The following GNA13 variants were observed in gnomAD, a reference collection of about 807,000 sequenced individuals.
The protein encoded by GNA13 is G protein subunit alpha 13.
GNA13 carries 4 observed loss-of-function variants against 33.5 expected under a neutral mutation model. That is an observed-to-expected ratio of 0.12 (90% CI 0.06 to 0.27). GNA13 has a LOEUF of 0.27. Among genes scored for constraint, GNA13 ranks in the 10% least tolerant of loss-of-function variants. The pLI, the probability that GNA13 is intolerant of heterozygous loss-of-function variation, is 1.00. For synonymous variants in GNA13, 176 were observed against 183.8 expected, an observed-to-expected ratio of 0.96 and a Z score of 0.34; for missense variants, 319 against 487.2, an observed-to-expected ratio of 0.65 and a Z score of 3.25.
intron 2 of GNA13, among the ~76,000 whole-genome samples, chr17:65,030,481 C>T (rs1408900548): frequency 2.0e-5 from 3 of 152,164 alleles, no homozygotes; most frequent in Non-Finnish European, 4.4e-5. Context: ...ATATGCATCA[C>T]ACATGTAATT....
At chr17:65,053,890 T>TAA (rs57652857) in intron 1 of GNA13, among the ~76,000 whole-genome samples, 162 bp from the exon 2 acceptor site, 1 of 151,860 alleles carries the variant, frequency 6.6e-6, no homozygotes, top group African/African-American at 2.4e-5. Flanking sequence ...TCTCAGAGGT[T>TAA]AAAAAAAATA....
rs534389748 is a variant in GNA13, at chr17:65,041,110, T to C, written c.510+12392A>G. On this transcript the variant is annotated intron_variant, in intron 2 of 3. Transcript: ENST00000439174. ...TTCATCCTATTTAGCAGAAAAATAATTTTTTAAAAAGAGACTAAGAAAACA... is the reference window on the plus strand; with the variant it reads ...TTCATCCTATTTAGCAGAAAAATAACTTTTTAAAAAGAGACTAAGAAAACA... Among the ~76,000 whole-genome samples the C allele has an allele frequency of 1.7e-3, 259 of 152,330 alleles. 2 individuals are homozygous for C. Among genetic ancestry groups the C allele is most frequent in the Middle Eastern group, 6.8e-3 (2 of 294 alleles).
chr17:65,025,438 C>T (rs1454718133), intron 2 of GNA13, among the ~76,000 whole-genome samples: 1 of 152,160 alleles, frequency 6.6e-6, no homozygotes, highest in Non-Finnish European at 1.5e-5. Flanking sequence ...TCACCATAGT[C>T]CACAGCTTTC....
chr17:65,030,374 G>C (rs952476379), intron 2 of GNA13, among the ~76,000 whole-genome samples: 20 of 152,342 alleles, frequency 1.3e-4, no homozygotes, highest in African/African-American at 4.8e-4. Context: ...TGCAGAATTT[G>C]AAAGGTTTGT....
intron 1 of GNA13, 72 bp downstream of exon 1, chr17:65,056,239 G>GCCCGGGCCCCCCCCCCCCCCCCCCCC: frequency 3.2e-6 from 3 of 936,164 alleles, no homozygotes; most frequent in East Asian, 3.2e-5. Flanking sequence ...CCAGGGCGGT[G>GCCCGGGCCCCCCCCCCCCCCCCCCCC]CCCCGCCCCG....
In GNA13 at chr17:65,009,975, ACT is replaced by A. The variant is rs1491268590; in HGVS notation, c.*4280_*4281del. ...ATTCACTGACTGAAATTTTATGCAC[ACT>A]GAGTTCCAGCATACTCTGATCCACC... On this transcript the variant is annotated 3_prime_UTR_variant, in exon 4 of 4. Coordinates refer to ENST00000439174, the MANE Select transcript of GNA13 (RefSeq NM_006572.6). Among the ~76,000 whole-genome samples the A allele has an allele frequency of 2.7e-4, 41 of 152,350 alleles. No homozygotes were observed. Among genetic ancestry groups the A allele is most frequent in the African/African-American group, 8.9e-4 (37 of 41,580 alleles).
At chr17:65,053,890 T>TA (rs57652857) in intron 1 of GNA13, among the ~76,000 whole-genome samples, 162 bp from the exon 2 acceptor site, 4,401 of 151,958 alleles carry the variant, frequency 0.029, 228 homozygotes, top group African/African-American at 0.1. Context: ...TCTCAGAGGT[T>TA]AAAAAAAATA....
intron 2 of GNA13, chr17:65,051,823 A>C (rs1907869039): frequency 6.6e-6 from 1 of 152,250 alleles, no homozygotes; most frequent in South Asian, 2.1e-4. Flanking sequence ...AATTTTAACA[A>C]TAATGTGAGA....
chr17:65,045,055 A>AAAAAG (rs1319746037), intron 2 of GNA13, among the ~76,000 whole-genome samples: 3 of 151,742 alleles, frequency 2.0e-5, no homozygotes, highest in Non-Finnish European at 4.4e-5. Context: ...AAAAAAAAAA[A>AAAAAG]AAAAGAAAAG....
intron 2 of GNA13, among the ~76,000 whole-genome samples, chr17:65,039,893 C>G (rs1907392987): frequency 6.6e-6 from 1 of 152,212 alleles, no homozygotes; most frequent in Non-Finnish European, 1.5e-5. Flanking sequence ...TACCAGTGAA[C>G]TGTTACCAGA....
chr17:65,011,918 C>T lies in GNA13; in HGVS notation c.*2339G>A, dbSNP rs964709008. ...CCTTTCAAACGTTTTTAAAATACAA[C>T]GTATAAAAAAATGTGGACTGAAGCC... On this transcript the variant is annotated 3_prime_UTR_variant, in exon 4 of 4. Transcript: ENST00000439174. The T allele has an allele frequency of 2.7e-5, 6 of 223,866 alleles. No individual in the cohort carries two copies. The highest frequency in any genetic ancestry group is 4.4e-5 in the Non-Finnish European group (5 of 112,458). The allele number at this position is 223,866 out of a possible 1,614,324, so 13.9% of individuals were successfully genotyped here. A position where few individuals can be genotyped will look rare whatever the true frequency, so the allele number is the denominator to read the frequency against.
chr17:65,047,495 A>T lies in GNA13; in HGVS notation c.510+6007T>A, dbSNP rs369291488. Among the ~76,000 whole-genome samples, 9 of 152,348 alleles carry T rather than the reference A, an allele frequency of 5.9e-5. No individual in the cohort carries two copies. The East Asian group carries it at 1.3e-3, about 23-fold the overall frequency. On this transcript the variant is annotated intron_variant, in intron 2 of 3. Coordinates refer to ENST00000439174, the MANE Select transcript of GNA13 (RefSeq NM_006572.6). ...ATTTAACACTAATCCTAGAATCAAA[A>T]GATAACCAATAGGTTTTTAGCAACT...
chr17:65,038,402 C>CA (rs78958162), intron 2 of GNA13, among the ~76,000 whole-genome samples: 4 of 147,866 alleles, frequency 2.7e-5, no homozygotes, highest in African/African-American at 1.0e-4. Flanking sequence ...GACACCATCT[C>CA]AAAAAAAAAA....
At chr17:65,043,421 G>A (rs140021484) in intron 2 of GNA13, among the ~76,000 whole-genome samples, 133 of 151,946 alleles carry the variant, frequency 8.8e-4, no homozygotes, top group African/African-American at 3.1e-3. Flanking sequence ...CGAGTAGCTG[G>A]GACCACAGGT....
intron 2 of GNA13, among the ~76,000 whole-genome samples, chr17:65,034,643 G>A (rs1054287672): frequency 2.6e-5 from 4 of 152,136 alleles, no homozygotes; most frequent in South Asian, 2.1e-4. Flanking sequence ...GAGTATTTCC[G>A]TAGTCCTATC....
Position 65,056,645 on chromosome 17 carries a change from C to G in GNA13, c.-52G>C. On this transcript the variant is annotated 5_prime_UTR_variant, in exon 1 of 4. Transcript: ENST00000439174. ...GGGCCCCTCCGGCTCCCTCCACCTC[C>G]TCCTCCGGCGGCGGGCGGCTCCGGC... 1.3e-6 allele frequency: 2 copies of G among 1,482,190 alleles called. No individual in the cohort carries two copies. The highest frequency in any genetic ancestry group is 1.8e-6 in the Non-Finnish European group (2 of 1,108,272). The allele number at this position is 1,482,190 out of a possible 1,614,324, so 91.8% of individuals were successfully genotyped here. A position where few individuals can be genotyped will look rare whatever the true frequency, so the allele number is the denominator to read the frequency against.
At chr17:65,030,328 C>G (rs969179274) in intron 2 of GNA13, among the ~76,000 whole-genome samples, 2 of 152,202 alleles carry the variant, frequency 1.3e-5, no homozygotes, top group Admixed American at 1.3e-4. Context: ...TACTCCAAGA[C>G]TAGATCTCCA....
rs67896606 is a variant in GNA13, at chr17:65,018,130, A to G, written c.561+123T>C. On this transcript the variant is annotated intron_variant, in intron 3 of 3. Coordinates refer to ENST00000439174, the MANE Select transcript of GNA13 (RefSeq NM_006572.6). Reference sequence around the variant, plus strand: ...AAAAAAAAAAAAAAAAAAAAAAAAAAAAAAAAAAAGAGAGAAAGAAGCAAA... The same window carrying G: ...AAAAAAAAAAAAAAAAAAAAAAAAAGAAAAAAAAAGAGAGAAAGAAGCAAA... The G allele has an allele frequency of 3.8e-4, 85 of 222,116 alleles. 8 individuals carry two copies. Among genetic ancestry groups the G allele is most frequent in the Non-Finnish European group, 6.7e-4 (74 of 111,040 alleles). 13.8% of individuals were successfully genotyped at this position (222,116 alleles called of 1,614,324 possible).
At chr17:65,040,954 T>C (rs1028309300) in intron 2 of GNA13, among the ~76,000 whole-genome samples, 2 of 152,256 alleles carry the variant, frequency 1.3e-5, no homozygotes, top group East Asian at 3.8e-4. Context: ...CAGCTGCTCA[T>C]TGCTAGTAGC....
Sources: allele counts gnomAD v4.1 joint callset (sites outside exome capture counted in the v4.1 genomes callset), GRCh38; gene constraint gnomAD v4.1.1; transcripts MANE v1.5; gene names NCBI Gene and HGNC (gene_info 2026-07-23, HGNC 2026-07-21).